ADGRF5: variants seen among roughly 807,000 people sequenced by gnomAD.
The protein encoded by ADGRF5 is adhesion G protein-coupled receptor F5, also known as G-protein coupled receptor 116.
In ADGRF5, 75 loss-of-function variants were observed where a neutral mutation model predicts 132.3. That is an observed-to-expected ratio of 0.57 (90% CI 0.47 to 0.69). ADGRF5 has a LOEUF of 0.69. ADGRF5 is among the 30% of genes least tolerant of loss of function. ADGRF5 has a pLI of 0.00. For missense variants in ADGRF5, 1,516 were observed against 1,630.6 expected (o/e 0.93, Z 1.21); for synonymous variants, 629 against 597.6 (o/e 1.05, Z -0.77).
chr6:46,947,508 T>G (rs564552179), intron 1 of ADGRF5, among the ~76,000 whole-genome samples: 21 of 152,254 alleles, frequency 1.4e-4, no homozygotes, highest in African/African-American at 5.1e-4. Flanking sequence ...CCAAACATCT[T>G]TTTGCTCCTT....
At chr6:46,951,176 T>C (rs930625371) in intron 1 of ADGRF5, among the ~76,000 whole-genome samples, 1 of 152,174 alleles carries the variant, frequency 6.6e-6, no homozygotes, top group African/African-American at 2.4e-5. Flanking sequence ...CAGAAAACAT[T>C]CAGTTGCTGA....
At chr6:46,875,890 T>C (rs980632156) in intron 10 of ADGRF5, among the ~76,000 whole-genome samples, 5 of 152,252 alleles carry the variant, frequency 3.3e-5, no homozygotes, top group Non-Finnish European at 4.4e-5. Context: ...TAAAGAATAC[T>C]CCTTCACTTT....
intron 6 of ADGRF5, among the ~76,000 whole-genome samples, chr6:46,882,428 A>T (rs1398884796): frequency 6.6e-6 from 1 of 152,220 alleles, no homozygotes; most frequent in Non-Finnish European, 1.5e-5. Flanking sequence ...AAGGTTGGCT[A>T]AAATCATCCT....
At chr6:46,896,660 A>ATG (rs10655431) in intron 3 of ADGRF5, among the ~76,000 whole-genome samples, 64,363 of 150,494 alleles carry the variant, frequency 0.43, 15,327 homozygotes, top group African/African-American at 0.66. Context: ...TGTGAGATAT[A>ATG]TGTGTGTGTG....
chr6:46,933,868 A>T (rs186736557), intron 1 of ADGRF5, among the ~76,000 whole-genome samples: 1 of 152,314 alleles, frequency 6.6e-6, no homozygotes. Context: ...AGTATACAAA[A>T]CATAGCTACA....
In ADGRF5 at chr6:46,858,461, C is replaced by A. The variant is rs368316924; in HGVS notation, c.3442G>T (p.Gly1148Ter). Residue 1148 changes from glycine (G) to a stop codon, truncating the protein, a stop_gained, in exon 17 of 21, where the codon GGA (glycine) becomes TGA (stop). Coordinates refer to ENST00000283296, the MANE Select transcript of ADGRF5 (RefSeq NM_001098518.2). LOFTEE classifies it high-confidence loss of function. ...TAGACTTCCCGGGGCTGGGTGGCTCCCAGCGTGATGACCGAGATGGCAAGT... is the reference window on the plus strand; with the variant it reads ...TAGACTTCCCGGGGCTGGGTGGCTCACAGCGTGATGACCGAGATGGCAAGT... ...CPLAISVITLGATQPREVYTR... is the reference protein window; with the variant it reads ...CPLAISVITL The A allele has an allele frequency of 6.2e-7, 1 of 1,613,796 alleles. No individual in the cohort carries two copies. The highest frequency in any genetic ancestry group is 1.1e-5 in the South Asian group (1 of 91,050).
At chr6:46,896,426 T>G (rs1157543061) in intron 3 of ADGRF5, among the ~76,000 whole-genome samples, 1 of 152,196 alleles carries the variant, frequency 6.6e-6, no homozygotes, top group Non-Finnish European at 1.5e-5. Flanking sequence ...TCACAGCATC[T>G]GTGCCCCTGC....
At chr6:46,881,640 G>A in intron 7 of ADGRF5, 43 bp from the exon 8 acceptor site, 1 of 1,579,350 alleles carries the variant, frequency 6.3e-7, no homozygotes, top group Non-Finnish European at 8.7e-7. Flanking sequence ...TAACTGACCT[G>A]GAAGAGTCTA....
intron 2 of ADGRF5, among the ~76,000 whole-genome samples, chr6:46,904,215 C>T (rs1775072416): frequency 6.6e-6 from 1 of 152,052 alleles, no homozygotes; most frequent in Non-Finnish European, 1.5e-5. Flanking sequence ...TACATCATCA[C>T]CCTTTAAAAG....
At chr6:46,876,842 T>A (rs1771711078) in intron 10 of ADGRF5, among the ~76,000 whole-genome samples, 1 of 152,194 alleles carries the variant, frequency 6.6e-6, no homozygotes. Context: ...CAACCTCAGA[T>A]GATCCACCTG....
At chr6:46,926,421 C>G (rs1306419963), upstream of ADGRF5, among the ~76,000 whole-genome samples, 1 of 152,086 alleles carries the variant, frequency 6.6e-6, no homozygotes, top group East Asian at 1.9e-4. Flanking sequence ...TTTCTGGATT[C>G]TACTCTTAGC....
intron 6 of ADGRF5, 101 bp from the exon 7 acceptor site, chr6:46,882,208 A>G (rs1438694494): frequency 2.5e-6 from 2 of 809,130 alleles, no homozygotes; most frequent in East Asian, 2.4e-5. Flanking sequence ...TAATCACACT[A>G]GGTAAAATTA....
At position 46,873,101 on chromosome 6, in the gene ADGRF5, T is replaced by G. The variant is rs78154088; in HGVS notation, c.1241-1088A>C. On this transcript the variant is annotated intron_variant, in intron 10 of 20. Coordinates refer to ENST00000283296, the MANE Select transcript of ADGRF5 (RefSeq NM_001098518.2). ...TTATCTTTTGAAAATCCACTTCTTC[T>G]AATTCTTCCAGGACATCCCTTCATC... 3.9e-3 allele frequency among the ~76,000 whole-genome samples: 590 copies of G among 152,244 alleles called. 27 individuals carry two copies. In the East Asian group the frequency reaches 0.1, roughly 27 times the overall value.
At position 46,863,108 on chromosome 6, in the gene ADGRF5, A is replaced by G. The variant is rs889375767; in HGVS notation, c.1991-12T>C. On this transcript the variant is annotated splice_polypyrimidine_tract_variant and intron_variant, in intron 14 of 20. Coordinates refer to ENST00000283296, the MANE Select transcript of ADGRF5 (RefSeq NM_001098518.2). ...TGTGATGTTTTCCCCTGTGTTGGAA[A>G]CATTGAAATAAAGGGATAATTGCAA... is the stretch of plus-strand genomic sequence containing the variant. The G allele has an allele frequency of 6.3e-7, 1 of 1,594,886 alleles. No individual in the cohort carries two copies. Among genetic ancestry groups the G allele is most frequent in the Non-Finnish European group, 8.6e-7 (1 of 1,162,528 alleles).
At chr6:46,870,212 G>A (rs943044809) in intron 11 of ADGRF5, among the ~76,000 whole-genome samples, 5 of 151,904 alleles carry the variant, frequency 3.3e-5, no homozygotes, top group African/African-American at 1.2e-4. Context: ...ACCCAGGCTG[G>A]CACAATCACG....
intron 10 of ADGRF5, among the ~76,000 whole-genome samples, chr6:46,877,444 T>G: frequency 6.6e-6 from 1 of 151,462 alleles, no homozygotes; most frequent in South Asian, 2.1e-4. Context: ...TGAACCTCAA[T>G]TTCCTTATTT....
intron 3 of ADGRF5, among the ~76,000 whole-genome samples, chr6:46,898,242 G>T (rs1013588179): frequency 2.6e-5 from 4 of 152,300 alleles, no homozygotes; most frequent in Non-Finnish European, 5.9e-5. Flanking sequence ...GTCACCCACT[G>T]CTCCTGAGGA....
At chr6:46,889,927 C>T (rs190517050) in intron 3 of ADGRF5, among the ~76,000 whole-genome samples, 26 of 151,996 alleles carry the variant, frequency 1.7e-4, no homozygotes, top group African/African-American at 6.0e-4. Context: ...GAGCTCACCA[C>T]ATTATAAATA....
intron 1 of ADGRF5, among the ~76,000 whole-genome samples, chr6:46,910,212 C>T (rs570984564): frequency 6.6e-6 from 1 of 152,022 alleles, no homozygotes; most frequent in Admixed American, 6.6e-5. Context: ...AAAATTTTAG[C>T]CAATGATATC....
Sources: allele counts gnomAD v4.1 joint callset (sites outside exome capture counted in the v4.1 genomes callset), GRCh38; gene constraint gnomAD v4.1.1; transcripts MANE v1.5; gene names NCBI Gene and HGNC (gene_info 2026-07-23, HGNC 2026-07-21).